LRRC7: variants seen among roughly 807,000 people sequenced by gnomAD.
The protein encoded by LRRC7 is leucine rich repeat containing 7, also known as leucine-rich repeat-containing protein 7.
A neutral mutation model predicts 175.7 loss-of-function variants in LRRC7; 23 were observed. The observed-to-expected ratio is 0.13, with a 90% CI of 0.09 to 0.19. The LOEUF (loss-of-function observed/expected upper bound fraction) is 0.19. Among genes scored for constraint, LRRC7 ranks in the 10% least tolerant of loss-of-function variants. The pLI is 1.00. For synonymous variants in LRRC7, 685 were observed against 680.9 expected, an observed-to-expected ratio of 1.01 and a Z score of -0.09; for missense variants, 1,354 against 1,904.7, an observed-to-expected ratio of 0.71 and a Z score of 5.38.
intron 8 of LRRC7, among the ~76,000 whole-genome samples, chr1:69,940,139 T>G (rs1330620503): frequency 6.6e-6 from 1 of 152,172 alleles, no homozygotes; most frequent in Non-Finnish European, 1.5e-5. Context: ...ACTTTCTGGC[T>G]GAAACTAATT....
At chr1:69,992,694 CA>C (rs1654553274) in intron 10 of LRRC7, among the ~76,000 whole-genome samples, 1 of 152,112 alleles carries the variant, frequency 6.6e-6, no homozygotes, top group Non-Finnish European at 1.5e-5. Flanking sequence ...TGGAGCTGAG[CA>C]GGAACTAAAT....
At position 69,986,239 on chromosome 1, in the gene LRRC7, A is replaced by C; in HGVS notation, c.787-3A>C. ...AACCCTGAGTTTATGCAATGTCATCAAGTCTATAGGGAAGTTAAAGATGTT... is the reference window on the plus strand; with the variant it reads ...AACCCTGAGTTTATGCAATGTCATCCAGTCTATAGGGAAGTTAAAGATGTT... On this transcript the variant is annotated splice_polypyrimidine_tract_variant and splice_region_variant and intron_variant, in intron 9 of 26. Transcript: ENST00000651989. 6.2e-7 allele frequency: 1 copy of C among 1,611,678 alleles called. No individual in the cohort carries two copies. Among genetic ancestry groups the C allele is most frequent in the Non-Finnish European group, 8.5e-7 (1 of 1,178,666 alleles).
chr1:69,924,885 A>C (rs1029886423), intron 7 of LRRC7, among the ~76,000 whole-genome samples: 88 of 152,306 alleles, frequency 5.8e-4, no homozygotes, highest in African/African-American at 2.1e-3. Context: ...GCCAGTTTTC[A>C]AATGGAATGC....
chr1:69,649,046 C>T (rs723993), intron 1 of LRRC7, among the ~76,000 whole-genome samples: 33,558 of 152,124 alleles, frequency 0.22, 4,186 homozygotes, highest in South Asian at 0.29. Context: ...TTAAACATTA[C>T]GATGCAGTTT....
intron 1 of LRRC7, among the ~76,000 whole-genome samples, chr1:69,605,171 T>A (rs1466793177): frequency 1.3e-5 from 2 of 152,146 alleles, no homozygotes. Flanking sequence ...CATGCTGTTC[T>A]CGTGATAGTG....
chr1:69,698,499 A>G (rs2100686418), intron 2 of LRRC7, among the ~76,000 whole-genome samples: 2 of 152,346 alleles, frequency 1.3e-5, no homozygotes, highest in East Asian at 1.9e-4. Context: ...GCTTCCCGTA[A>G]TCTTATAGAG....
At chr1:69,855,168 T>C (rs979957953) in intron 7 of LRRC7, among the ~76,000 whole-genome samples, 1 of 152,176 alleles carries the variant, frequency 6.6e-6, no homozygotes, top group Non-Finnish European at 1.5e-5. Flanking sequence ...ACTAGTGTAG[T>C]AGTCCTTGCT....
chr1:70,127,286 A>G lies in LRRC7; in HGVS notation c.*5399A>G, dbSNP rs1273958852. ...ACAGGTTCCAATCTTCCTTACTTTC[A>G]ACACTGCCTGCAAGAGAATGGTTTG... On this transcript the variant is annotated 3_prime_UTR_variant, in exon 27 of 27. Transcript: ENST00000651989. 3.3e-5 allele frequency among the ~76,000 whole-genome samples: 5 copies of G among 152,152 alleles called. No homozygotes were observed. Among genetic ancestry groups the G allele is most frequent in the Non-Finnish European group, 7.4e-5 (5 of 68,016 alleles).
intron 7 of LRRC7, among the ~76,000 whole-genome samples, chr1:69,895,983 A>T (rs895943871): frequency 2.6e-5 from 4 of 152,176 alleles, no homozygotes; most frequent in African/African-American, 9.7e-5. Context: ...ACGTGAGGCA[A>T]AATTACTCTA....
At chr1:69,972,046 G>A (rs1652290894) in intron 8 of LRRC7, among the ~76,000 whole-genome samples, 1 of 152,124 alleles carries the variant, frequency 6.6e-6, no homozygotes, top group African/African-American at 2.4e-5. Context: ...TCAACAAATA[G>A]CGCTGGGATA....
intron 1 of LRRC7, among the ~76,000 whole-genome samples, chr1:69,651,951 G>C (rs1426860116): frequency 6.6e-6 from 1 of 151,948 alleles, no homozygotes; most frequent in Non-Finnish European, 1.5e-5. Flanking sequence ...AGCATGACTT[G>C]GTGTGAATAG....
At chr1:70,088,327 T>G (rs1204676621) in intron 24 of LRRC7, among the ~76,000 whole-genome samples, 1 of 151,974 alleles carries the variant, frequency 6.6e-6, no homozygotes, top group Non-Finnish European at 1.5e-5. Context: ...GAGGCCAAGG[T>G]GGGAGAATCA....
At chr1:70,012,531 C>T (rs929180357) in intron 12 of LRRC7, among the ~76,000 whole-genome samples, 2 of 151,492 alleles carry the variant, frequency 1.3e-5, no homozygotes, top group Admixed American at 1.3e-4. Context: ...TATCTTAGAG[C>T]CAAAACATAT....
At chr1:70,029,118 C>T (rs183960113) in intron 18 of LRRC7, among the ~76,000 whole-genome samples, 1 of 152,230 alleles carries the variant, frequency 6.6e-6, no homozygotes, top group East Asian at 1.9e-4. Flanking sequence ...CATTTCAGAG[C>T]ATCATTTTGT....
chr1:69,820,260 G>T (rs1679124808), intron 4 of LRRC7, among the ~76,000 whole-genome samples: 2 of 151,882 alleles, frequency 1.3e-5, no homozygotes, highest in African/African-American at 4.8e-5. Context: ...ACATCTTATA[G>T]TTATAACACT....
At chr1:69,944,343 A>G (rs1043828533) in intron 8 of LRRC7, among the ~76,000 whole-genome samples, 41 of 152,106 alleles carry the variant, frequency 2.7e-4, no homozygotes, top group South Asian at 2.1e-4. Context: ...CATTACATAT[A>G]TATGCTACTC....
At chr1:69,870,334 T>G (rs1358520917) in intron 7 of LRRC7, among the ~76,000 whole-genome samples, 1 of 152,008 alleles carries the variant, frequency 6.6e-6, no homozygotes, top group African/African-American at 2.4e-5. Context: ...AAGGAGCCAG[T>G]AGAGAGAATA....
chr1:70,026,989 C>T (rs558689517), intron 17 of LRRC7, among the ~76,000 whole-genome samples: 5 of 152,138 alleles, frequency 3.3e-5, no homozygotes, highest in African/African-American at 1.2e-4. Flanking sequence ...TCTTACATCC[C>T]ATGAATTACA....
chr1:69,794,378 A>C (rs1675472493), intron 4 of LRRC7, among the ~76,000 whole-genome samples: 1 of 152,238 alleles, frequency 6.6e-6, no homozygotes, highest in South Asian at 2.1e-4. Flanking sequence ...CTTGCCACTT[A>C]GAGGGTTTTC....
Sources: allele counts gnomAD v4.1 joint callset (sites outside exome capture counted in the v4.1 genomes callset), GRCh38; gene constraint gnomAD v4.1.1; transcripts MANE v1.5; gene names NCBI Gene and HGNC (gene_info 2026-07-23, HGNC 2026-07-21).